FILIP1L: variants seen among roughly 807,000 people sequenced by gnomAD.
FILIP1L encodes the protein filamin A-interacting protein 1-like.
In FILIP1L, 55 loss-of-function variants were observed where a neutral mutation model predicts 96.6. The ratio of observed to expected loss-of-function variants is 0.57; its 90% CI spans 0.46 to 0.71. The LOEUF is 0.71. Ranked by LOEUF, FILIP1L falls within the 30% of genes least tolerant of loss-of-function variation. The pLI, the probability that FILIP1L is intolerant of heterozygous loss-of-function variation, is 0.00. For synonymous variants in FILIP1L, 467 were observed against 473.9 expected (o/e 0.99, Z 0.19); for missense variants, 1,304 against 1,321.2 (o/e 0.99, Z 0.20).
Position 99,929,838 on chromosome 3 carries a change from C to A in FILIP1L, c.426+18G>T. ...GCTTGGCTGCCTCCCAGGTACACACCCCTATTGTGGTACATACCTCATTCA... is the reference window on the plus strand; with the variant it reads ...GCTTGGCTGCCTCCCAGGTACACACACCTATTGTGGTACATACCTCATTCA... On this transcript the variant is annotated intron_variant, in intron 3 of 5. Coordinates refer to ENST00000477258, the MANE Select transcript of FILIP1L (RefSeq NM_001387850.1). The A allele has an allele frequency of 1.3e-6, 2 of 1,596,320 alleles. No homozygotes were observed. Among genetic ancestry groups the A allele is most frequent in the Non-Finnish European group, 1.7e-6 (2 of 1,171,424 alleles).
intron 4 of FILIP1L, among the ~76,000 whole-genome samples, chr3:99,878,525 C>T (rs990123976): frequency 6.6e-6 from 1 of 152,152 alleles, no homozygotes; most frequent in Non-Finnish European, 1.5e-5. Context: ...ATAGTTTGTT[C>T]AGAATCTCTC....
chr3:100,106,360 C>G (rs1408227451), intron 1 of FILIP1L, among the ~76,000 whole-genome samples: 1 of 152,168 alleles, frequency 6.6e-6, no homozygotes, highest in Non-Finnish European at 1.5e-5. Context: ...GTAACCTAAT[C>G]TGGATCTGTT....
intron 5 of FILIP1L, among the ~76,000 whole-genome samples, chr3:99,839,023 T>C (rs1295610097): frequency 6.6e-6 from 1 of 152,098 alleles, no homozygotes; most frequent in Non-Finnish European, 1.5e-5. Flanking sequence ...TGAATGTTGA[T>C]TATCTGCCCT....
At chr3:99,920,756 A>G (rs1707100394) in intron 4 of FILIP1L, among the ~76,000 whole-genome samples, 2 of 152,236 alleles carry the variant, frequency 1.3e-5, no homozygotes, top group African/African-American at 4.8e-5. Flanking sequence ...GTGTGACATC[A>G]GTCTCCTTTA....
intron 4 of FILIP1L, among the ~76,000 whole-genome samples, chr3:99,874,899 G>A (rs1485954068): frequency 6.6e-6 from 1 of 152,154 alleles, no homozygotes; most frequent in Non-Finnish European, 1.5e-5. Context: ...CCTCCAAACA[G>A]TTATCTTATA....
intron 5 of FILIP1L, among the ~76,000 whole-genome samples, chr3:99,831,324 A>C (rs1942663953): frequency 6.6e-6 from 1 of 152,248 alleles, no homozygotes; most frequent in Non-Finnish European, 1.5e-5. Context: ...TGAAGAGAAA[A>C]ATACTAAAAG....
At chr3:99,963,292 G>A (rs1467041276) in intron 1 of FILIP1L, among the ~76,000 whole-genome samples, 1 of 152,192 alleles carries the variant, frequency 6.6e-6, no homozygotes, top group African/African-American at 2.4e-5. Context: ...CCCATGTGGT[G>A]GATATATGCA....
intron 1 of FILIP1L, among the ~76,000 whole-genome samples, chr3:99,945,294 T>G (rs1707975679): frequency 6.6e-6 from 1 of 152,134 alleles, no homozygotes; most frequent in Non-Finnish European, 1.5e-5. Context: ...CCATACTCCC[T>G]CATGAGGTGA....
chr3:100,092,217 T>C (rs2066122189), intron 1 of FILIP1L, among the ~76,000 whole-genome samples: 1 of 152,210 alleles, frequency 6.6e-6, no homozygotes, highest in African/African-American at 2.4e-5. Context: ...AAAGAGTAAA[T>C]ATTCTATAAC....
chr3:100,100,201 G>A (rs530593218), intron 1 of FILIP1L, among the ~76,000 whole-genome samples: 1 of 152,290 alleles, frequency 6.6e-6, no homozygotes, highest in South Asian at 2.1e-4. Context: ...GGGGGCACAA[G>A]TAGCCTTCTC....
chr3:99,926,890 T>C (rs57908758), intron 3 of FILIP1L, among the ~76,000 whole-genome samples: 4,364 of 152,326 alleles, frequency 0.029, 188 homozygotes, highest in African/African-American at 0.096. Flanking sequence ...ATTTATTCCA[T>C]GACCCCCTAA....
At chr3:99,952,853 A>G (rs1360931434) in intron 1 of FILIP1L, among the ~76,000 whole-genome samples, 1 of 152,182 alleles carries the variant, frequency 6.6e-6, no homozygotes, top group African/African-American at 2.4e-5. Flanking sequence ...CAATCTTTAT[A>G]TGTTGGATTG....
chr3:100,108,387 A>C (rs2066429876), intron 1 of FILIP1L, among the ~76,000 whole-genome samples: 1 of 152,186 alleles, frequency 6.6e-6, no homozygotes, highest in Non-Finnish European at 1.5e-5. Context: ...AACTGTGCTT[A>C]TTACTTACCA....
At chr3:99,840,826 T>C (rs886212774) in intron 5 of FILIP1L, among the ~76,000 whole-genome samples, 3 of 152,232 alleles carry the variant, frequency 2.0e-5, no homozygotes. Context: ...AGGCATAAAC[T>C]AGAACCTGAT....
intron 1 of FILIP1L, among the ~76,000 whole-genome samples, chr3:99,990,110 T>C (rs1050959309): frequency 1.3e-5 from 2 of 152,214 alleles, no homozygotes; most frequent in South Asian, 2.1e-4. Context: ...ATTGAACTTA[T>C]ATTTACCCAG....
intron 4 of FILIP1L, among the ~76,000 whole-genome samples, chr3:99,890,382 T>C (rs1275194465): frequency 6.6e-6 from 1 of 152,178 alleles, no homozygotes; most frequent in Non-Finnish European, 1.5e-5. Flanking sequence ...CCTGAGTCTG[T>C]AGATTAGTGT....
At chr3:99,878,149 C>A (rs1270454781) in intron 4 of FILIP1L, among the ~76,000 whole-genome samples, 1 of 152,146 alleles carries the variant, frequency 6.6e-6, no homozygotes, top group African/African-American at 2.4e-5. Flanking sequence ...ATGTGTTACT[C>A]CTGAAACATC....
chr3:99,958,539 A>T (rs577252852), intron 1 of FILIP1L, among the ~76,000 whole-genome samples: 69 of 152,264 alleles, frequency 4.5e-4, no homozygotes, highest in African/African-American at 1.6e-3. Context: ...TGTGCCACAG[A>T]AGGGTAGGAG....
chr3:99,934,803 G>C (rs1707607333), intron 1 of FILIP1L, among the ~76,000 whole-genome samples: 1 of 152,140 alleles, frequency 6.6e-6, no homozygotes, highest in Admixed American at 6.5e-5. Flanking sequence ...TTCATAAGTG[G>C]TAAAAAAAGG....
Sources: allele counts gnomAD v4.1 joint callset (sites outside exome capture counted in the v4.1 genomes callset), GRCh38; gene constraint gnomAD v4.1.1; transcripts MANE v1.5; gene names NCBI Gene and HGNC (gene_info 2026-07-23, HGNC 2026-07-21).